INTS4: variants seen among roughly 807,000 people sequenced by gnomAD.
INTS4 encodes the protein MSTP093.
INTS4 carries 70 observed loss-of-function variants against 119.5 expected under a neutral mutation model. The observed-to-expected ratio is 0.59, with a 90% CI of 0.48 to 0.71. The LOEUF (loss-of-function observed/expected upper bound fraction) is 0.71. Among genes scored for constraint, INTS4 ranks in the 30% least tolerant of loss-of-function variants. INTS4 has a pLI of 0.00. For missense variants in INTS4, 867 were observed against 1,173.2 expected (o/e 0.74, Z 3.81); for synonymous variants, 316 against 419.6 (o/e 0.75, Z 3.02).
chr11:77,918,268 CA>C (rs34323244), intron 15 of INTS4: 67,250 of 420,198 alleles, frequency 0.16, 2 homozygotes, highest in South Asian at 0.23. Context: ...CTCGACTCTA[CA>C]AAAAAAAAAA....
intron 13 of INTS4, among the ~76,000 whole-genome samples, 178 bp downstream of exon 13, chr11:77,922,178 A>C (rs1436690577): frequency 6.7e-6 from 1 of 149,572 alleles, no homozygotes; most frequent in Admixed American, 6.7e-5. Context: ...CAGTGAGCCG[A>C]GATCAGGCCA....
At chr11:77,986,385 G>T (rs1046518527) in intron 2 of INTS4, among the ~76,000 whole-genome samples, 13 of 152,170 alleles carry the variant, frequency 8.5e-5, no homozygotes, top group African/African-American at 3.1e-4. Context: ...CTTTTACACT[G>T]TTGGGAGTGT....
intron 4 of INTS4, among the ~76,000 whole-genome samples, chr11:77,976,957 T>A (rs1026185550): frequency 4.1e-4 from 63 of 152,142 alleles, no homozygotes; most frequent in African/African-American, 1.3e-3. Flanking sequence ...GGATAGCATT[T>A]GGAGATATAC....
chr11:77,900,845 G>A, intron 18 of INTS4: 1 of 547,380 alleles, frequency 1.8e-6, no homozygotes, highest in Middle Eastern at 4.8e-4. Context: ...TACGTATCAA[G>A]TACCATGCTA....
chr11:77,922,311 G>C, intron 13 of INTS4, 45 bp downstream of exon 13: 1 of 1,540,176 alleles, frequency 6.5e-7, no homozygotes, highest in Non-Finnish European at 8.7e-7. Context: ...AGATGCCAAA[G>C]CTGCCTGCCA....
chr11:77,926,392 A>G (rs1235972048), intron 11 of INTS4, among the ~76,000 whole-genome samples: 1 of 152,238 alleles, frequency 6.6e-6, no homozygotes, highest in African/African-American at 2.4e-5. Flanking sequence ...ACTCACAAAT[A>G]AGCATACCTG....
At chr11:77,993,567 T>C (rs1856782906) in intron 1 of INTS4, among the ~76,000 whole-genome samples, 1 of 152,254 alleles carries the variant, frequency 6.6e-6, no homozygotes, top group Non-Finnish European at 1.5e-5. Flanking sequence ...ACAGTGCTAA[T>C]GTTCTTAATG....
chr11:77,963,816 T>C (rs983543978), intron 4 of INTS4, among the ~76,000 whole-genome samples: 1 of 152,180 alleles, frequency 6.6e-6, no homozygotes, highest in African/African-American at 2.4e-5. Flanking sequence ...CCTGAGTAGC[T>C]GGGGACCACA....
At chr11:77,948,389 G>A (rs926911967) in intron 8 of INTS4, among the ~76,000 whole-genome samples, 2 of 152,178 alleles carry the variant, frequency 1.3e-5, no homozygotes, top group Non-Finnish European at 2.9e-5. Context: ...GCTTATGCCT[G>A]TAATCCCAGC....
chr11:77,885,507 C>T (rs1164346051), intron 21 of INTS4, among the ~76,000 whole-genome samples: 1 of 151,976 alleles, frequency 6.6e-6, no homozygotes, highest in East Asian at 1.9e-4. Context: ...AGTGCTTGGG[C>T]TTCATTTTTT....
Position 77,994,636 on chromosome 11 carries a change from GC to G in INTS4, c.7del (p.Ala3ArgfsTer28). On this transcript the variant is annotated frameshift_variant, in exon 1 of 23. Transcript: ENST00000534064. LOFTEE classifies it high-confidence loss of function. Reference sequence around the variant, plus strand: ...CTCATAAACCCGCTTCTTAAGGTGCGCCGCCATGCCTACCCGCGGGCCCTCT... The same window carrying G: ...CTCATAAACCCGCTTCTTAAGGTGCGCGCCATGCCTACCCGCGGGCCCTCT... MA[A>X]HLKKRVYEEF... The G allele has an allele frequency of 6.2e-7, 1 of 1,614,116 alleles. No homozygotes were observed. Among genetic ancestry groups the G allele is most frequent in the Non-Finnish European group, 8.5e-7 (1 of 1,180,012 alleles).
intron 8 of INTS4, among the ~76,000 whole-genome samples, chr11:77,944,936 A>T (rs534053278): frequency 2.6e-5 from 4 of 151,844 alleles, no homozygotes; most frequent in Admixed American, 1.3e-4. Flanking sequence ...AGATTTGTTT[A>T]AAAAAAAATG....
chr11:77,918,880 C>T lies in INTS4; in HGVS notation c.1863G>A (p.Val621=), dbSNP rs1484514422. The part of the protein sequence containing the change: ...QQFLQQSLER[V]YSLQHLDPQG... ...GAGGGTCCAAGTGCTGAAGACTATA[C>T]ACTCTTTCAAGGCTCTGCTGCAGGA... The change falls in exon 15 of 23, where the codon GTG becomes GTA. Residue 621 remains valine (V), a synonymous_variant. Coordinates refer to ENST00000534064, the MANE Select transcript of INTS4 (RefSeq NM_033547.4). 6.8e-6 allele frequency: 11 copies of T among 1,613,842 alleles called. No individual in the cohort carries two copies. The highest frequency in any genetic ancestry group is 4.0e-5 in the African/African-American group (3 of 74,920).
chr11:77,895,652 G>A (rs1488736634), intron 18 of INTS4, among the ~76,000 whole-genome samples: 1 of 151,552 alleles, frequency 6.6e-6, no homozygotes, highest in Non-Finnish European at 1.5e-5. Context: ...GGAGTGAGAG[G>A]GCTAGAAGGG....
chr11:77,886,706 G>A (rs993881803), intron 21 of INTS4, among the ~76,000 whole-genome samples: 6 of 152,162 alleles, frequency 3.9e-5, no homozygotes, highest in Non-Finnish European at 8.8e-5. Context: ...CTCTAGTCTG[G>A]CAGGGTGAAG....
At chr11:77,941,886 T>C (rs1953937721) in intron 8 of INTS4, among the ~76,000 whole-genome samples, 3 of 152,086 alleles carry the variant, frequency 2.0e-5, no homozygotes, top group Admixed American at 1.3e-4. Context: ...GAGAAGTAAA[T>C]ACTATATTAG....
chr11:77,960,450 C>G (rs1438641524), intron 5 of INTS4, 59 bp from the exon 6 acceptor site: 2 of 1,243,928 alleles, frequency 1.6e-6, no homozygotes, highest in Non-Finnish European at 2.4e-6. Context: ...TTTCCAATGT[C>G]TCCCCACAAT....
intron 1 of INTS4, 71 bp downstream of exon 1, chr11:77,994,519 G>T: frequency 1.6e-6 from 2 of 1,253,662 alleles, no homozygotes; most frequent in Non-Finnish European, 2.3e-6. Flanking sequence ...TTCTGTTCCG[G>T]CAAAGTGCCT....
intron 8 of INTS4, among the ~76,000 whole-genome samples, chr11:77,955,356 T>C (rs910618299): frequency 5.9e-5 from 9 of 152,040 alleles, no homozygotes; most frequent in African/African-American, 2.2e-4. Context: ...AAAAGGAAAA[T>C]AAATTCTGGG....
Sources: gnomAD v4.1 joint callset for allele counts (sites outside exome capture counted in the v4.1 genomes callset) on GRCh38, gnomAD v4.1.1 for gene constraint, MANE v1.5 for transcripts, NCBI Gene and HGNC (gene_info 2026-07-23, HGNC 2026-07-21) for gene names.